Variants in LAMA2 observed in about 807,000 individuals in gnomAD.
The protein encoded by LAMA2 is laminin subunit alpha 2, also known as laminin subunit alpha-2.
LAMA2 carries 269 observed loss-of-function variants against 364.8 expected under a neutral mutation model. The observed-to-expected ratio is 0.74, with a 90% CI of 0.67 to 0.82. The LOEUF (loss-of-function observed/expected upper bound fraction) is 0.82, where lower values mean the gene tolerates loss of function less well. LAMA2 is among the 40% of genes least tolerant of loss of function. The probability of loss-of-function intolerance (pLI) is 0.00; values close to 1 mark genes in which losing one functional copy is unlikely to be tolerated. For synonymous variants in LAMA2, 1,379 were observed against 1,370.6 expected (o/e 1.01, Z -0.14); for missense variants, 3,807 against 3,873.2 (o/e 0.98, Z 0.45).
At chr6:128,966,106 C>A (rs913792137) in intron 1 of LAMA2, among the ~76,000 whole-genome samples, 34 of 146,602 alleles carry the variant, frequency 2.3e-4, no homozygotes, top group Admixed American at 6.9e-4. Context: ...GTTTTGAATA[C>A]ATTTTTAATA....
intron 1 of LAMA2, among the ~76,000 whole-genome samples, chr6:129,020,350 T>G (rs1217977002): frequency 6.6e-6 from 1 of 152,144 alleles, no homozygotes; most frequent in East Asian, 1.9e-4. Context: ...TGGAATAAAC[T>G]GGACAGTTAG....
chr6:129,017,136 CTT>C (rs1785130832), intron 1 of LAMA2, among the ~76,000 whole-genome samples: 1 of 151,892 alleles, frequency 6.6e-6, no homozygotes, highest in South Asian at 2.1e-4. Context: ...AAATAAAACT[CTT>C]TTCTGAACAA....
At chr6:129,150,140 A>G (rs1778707283) in intron 7 of LAMA2, among the ~76,000 whole-genome samples, 1 of 152,130 alleles carries the variant, frequency 6.6e-6, no homozygotes, top group African/African-American at 2.4e-5. Flanking sequence ...ATCTCCCATT[A>G]TTACAAAAGC....
chr6:129,234,420 A>G (rs1001503969), intron 12 of LAMA2, among the ~76,000 whole-genome samples: 6 of 152,152 alleles, frequency 3.9e-5, no homozygotes, highest in African/African-American at 1.4e-4. Flanking sequence ...GAATTTCTTG[A>G]GTTTTTTACT....
Position 129,507,530 on chromosome 6 carries a change from G to A in LAMA2, c.8745G>A (p.Met2915Ile), listed in dbSNP as rs1325113810. Residue 2915 changes from methionine (M) to isoleucine (I), a missense_variant, in exon 62 of 65, where the codon ATG (methionine) becomes ATA (isoleucine). By Grantham distance (10) the Met-to-Ile change is conservative. This residue lies in a region of LAMA2 where 3,333 missense variants were observed against 3,345.7 expected (regional missense o/e 1.00). Transcript: ENST00000421865. ...SIDGCVRNLH[M>I]AEAPADLEQP... Reference sequence around the variant, plus strand: ...ATGGCTGCGTCAGGAATCTCCACATGGCAGAGGCCCCTGCCGATCTGGAAC... The same window carrying A: ...ATGGCTGCGTCAGGAATCTCCACATAGCAGAGGCCCCTGCCGATCTGGAAC... The A allele has an allele frequency of 6.2e-6, 10 of 1,614,138 alleles. No homozygotes were observed. The highest frequency in any genetic ancestry group is 8.5e-6 in the Non-Finnish European group (10 of 1,179,980).
chr6:129,364,645 A>G (rs953033248), intron 32 of LAMA2, among the ~76,000 whole-genome samples: 1 of 152,156 alleles, frequency 6.6e-6, no homozygotes, highest in African/African-American at 2.4e-5. Context: ...TCAACAATCC[A>G]TTTGTCTCTC....
intron 20 of LAMA2, among the ~76,000 whole-genome samples, chr6:129,295,454 G>A (rs1773111901): frequency 6.6e-6 from 1 of 151,920 alleles, no homozygotes; most frequent in Non-Finnish European, 1.5e-5. Flanking sequence ...ATGAATGTCT[G>A]CTCCTTAAGT....
chr6:129,274,553 A>C (rs1020607664), intron 17 of LAMA2, among the ~76,000 whole-genome samples: 1 of 152,036 alleles, frequency 6.6e-6, no homozygotes, highest in African/African-American at 2.4e-5. Context: ...TTGGCTCCAA[A>C]TTTCTTAGAT....
chr6:129,473,199 C>G lies in LAMA2; in HGVS notation c.7301-15C>G. 1.7e-5 allele frequency: 27 copies of G among 1,567,544 alleles called. No individual in the cohort carries two copies. Among genetic ancestry groups the G allele is most frequent in the Non-Finnish European group, 2.4e-5 (27 of 1,139,328 alleles). On this transcript the variant is annotated splice_polypyrimidine_tract_variant and intron_variant, in intron 51 of 64. Coordinates refer to ENST00000421865, the MANE Select transcript of LAMA2 (RefSeq NM_000426.4). ...TTGCTCAAATAAAATGTTAAACTTT[C>G]TTTCTCCTTTACAGCCAATATATCA...
intron 4 of LAMA2, among the ~76,000 whole-genome samples, chr6:129,130,035 A>G (rs1420263682): frequency 6.6e-6 from 1 of 152,202 alleles, no homozygotes; most frequent in Non-Finnish European, 1.5e-5. Context: ...GCTACAGCAC[A>G]TTATTGGAGG....
intron 40 of LAMA2, 74 bp from the exon 41 acceptor site, chr6:129,427,678 C>A: frequency 9.5e-7 from 1 of 1,050,940 alleles, no homozygotes; most frequent in East Asian, 2.4e-5. Flanking sequence ...CTCTGTGTAC[C>A]AACTGCCTTC....
intron 1 of LAMA2, among the ~76,000 whole-genome samples, chr6:128,885,732 T>G (rs1331423291): frequency 1.3e-5 from 2 of 152,228 alleles, no homozygotes; most frequent in African/African-American, 4.8e-5. Context: ...TCAACCATTT[T>G]TAGATGTTGC....
intron 1 of LAMA2, among the ~76,000 whole-genome samples, chr6:128,901,406 T>TG (rs1034054891): frequency 6.6e-6 from 1 of 152,242 alleles, no homozygotes. Flanking sequence ...CCTTGCTTAT[T>TG]TTTTATTAAG....
intron 41 of LAMA2, among the ~76,000 whole-genome samples, chr6:129,431,335 G>A (rs766256132): frequency 6.6e-6 from 1 of 150,790 alleles, no homozygotes; most frequent in Non-Finnish European, 1.5e-5. Flanking sequence ...GGATACGGAG[G>A]TTACAGTGAG....
At chr6:129,401,586 C>T (rs973389339) in intron 38 of LAMA2, among the ~76,000 whole-genome samples, 1 of 152,274 alleles carries the variant, frequency 6.6e-6, no homozygotes, top group South Asian at 2.1e-4. Flanking sequence ...TTGTCCACAG[C>T]GATGAAGGAC....
intron 55 of LAMA2, among the ~76,000 whole-genome samples, chr6:129,484,726 A>G (rs1055173552): frequency 6.6e-6 from 1 of 152,190 alleles, no homozygotes; most frequent in Non-Finnish European, 1.5e-5. Flanking sequence ...GTTTACAGAC[A>G]CATGTGAATT....
chr6:129,391,554 G>A lies in LAMA2; in HGVS notation c.5135G>A (p.Arg1712Lys). Residue 1712 changes from arginine to lysine, a missense_variant, in exon 36 of 65, where the codon AGA becomes AAA. This residue lies in a region of LAMA2 where 3,333 missense variants were observed against 3,345.7 expected (regional missense o/e 1.00). Coordinates refer to ENST00000421865, the MANE Select transcript of LAMA2 (RefSeq NM_000426.4). The part of the protein sequence containing the change: ...TLGTRDEAFE[R>K]NLEGLQKEID... ...GGAACTCGAGACGAGGCCTTTGAGA[G>A]AAATTTGGAAGGGCTTCAGAAAGAG... 1 of 1,613,912 alleles carries A rather than the reference G, an allele frequency of 6.2e-7. No individual in the cohort carries two copies. The highest frequency in any genetic ancestry group is 8.5e-7 in the Non-Finnish European group (1 of 1,179,860).
In LAMA2 at chr6:129,516,092, C is replaced by G. The variant is rs530098092; in HGVS notation, c.9212-98C>G. The G allele has an allele frequency of 9.1e-6, 12 of 1,318,718 alleles. No homozygotes were observed. In the South Asian group the frequency reaches 1.4e-4, roughly 16 times the overall value. 81.7% of individuals were successfully genotyped at this position (1,318,718 alleles called of 1,614,324 possible). On this transcript the variant is annotated intron_variant, in intron 64 of 64. Coordinates refer to ENST00000421865, the MANE Select transcript of LAMA2 (RefSeq NM_000426.4). ...CACTAACTTTGCATAAAACAGCATT[C>G]CAATTTAATCTCAAGCTAACAGTTG...
intron 53 of LAMA2, among the ~76,000 whole-genome samples, chr6:129,476,806 GCTGA>G (rs10534364): frequency 0.41 from 61,920 of 151,588 alleles, 12,793 homozygotes; most frequent in African/African-American, 0.46. Flanking sequence ...ATAACAACCA[GCTGA>G]CTGACTGAAC....
Sources: gnomAD v4.1 joint callset for allele counts (sites outside exome capture counted in the v4.1 genomes callset) on GRCh38, gnomAD v4.1.1 for gene constraint, gnomAD v4.1.1 regional missense constraint, MANE v1.5 for transcripts, NCBI Gene and HGNC (gene_info 2026-07-23, HGNC 2026-07-21) for gene names.